The following SIK3 variants were observed in gnomAD, a reference collection of about 807,000 sequenced individuals.
SIK3 encodes SIK family kinase 3.
A neutral mutation model predicts 144.2 loss-of-function variants in SIK3; 28 were observed. That is an observed-to-expected ratio of 0.19 (90% CI 0.14 to 0.27). The LOEUF (loss-of-function observed/expected upper bound fraction) is 0.27, where lower values mean the gene tolerates loss of function less well. SIK3 is among the 10% of genes least tolerant of loss of function. The pLI is 1.00. For synonymous variants in SIK3, 686 were observed against 676.3 expected (o/e 1.01, Z -0.22); for missense variants, 1,319 against 1,776.0 (o/e 0.74, Z 4.62).
At chr11:116,862,074 C>T in intron 17 of SIK3, 128 bp downstream of exon 17, 1 of 1,414,392 alleles carries the variant, frequency 7.1e-7, no homozygotes, top group Non-Finnish European at 9.9e-7. Context: ...TACCTTTACT[C>T]AAACATGTCA....
At chr11:116,938,204 A>AGAGGG (rs367762787) in intron 3 of SIK3, among the ~76,000 whole-genome samples, 1 of 7,884 alleles carries the variant, frequency 1.3e-4, no homozygotes, top group African/African-American at 4.4e-4. Flanking sequence ...GACTCTATCT[A>AGAGGG]GAGGGGAGGG....
chr11:116,897,331 T>C lies in SIK3; in HGVS notation c.617-14A>G. On this transcript the variant is annotated splice_polypyrimidine_tract_variant and intron_variant, in intron 4 of 24. Transcript: ENST00000445177. ...TGAAACCAAAATCTAGAAAGGCAAA[T>C]GGACATAATTCGTATTATTGTAACC... is the stretch of plus-strand genomic sequence containing the variant. The C allele has an allele frequency of 6.2e-7, 1 of 1,611,484 alleles. No individual in the cohort carries two copies. Among genetic ancestry groups the C allele is most frequent in the Non-Finnish European group, 8.5e-7 (1 of 1,178,494 alleles).
chr11:116,951,795 A>G (rs927159564), intron 3 of SIK3, among the ~76,000 whole-genome samples: 6 of 152,126 alleles, frequency 3.9e-5, no homozygotes, highest in African/African-American at 9.6e-5. Context: ...TTAGCCTGGC[A>G]TGGTGGTGTA....
intron 1 of SIK3, among the ~76,000 whole-genome samples, chr11:117,089,463 A>C (rs1955154291): frequency 6.6e-6 from 1 of 152,066 alleles, no homozygotes; most frequent in East Asian, 1.9e-4. Context: ...GGTGGCAAGA[A>C]GACTTCATTT....
intron 3 of SIK3, among the ~76,000 whole-genome samples, chr11:116,953,516 T>C (rs972945816): frequency 6.6e-6 from 1 of 152,208 alleles, no homozygotes; most frequent in South Asian, 2.1e-4. Context: ...TAAAGCTAAG[T>C]GTGAGAGGAA....
chr11:117,004,926 T>C (rs1259725584), intron 1 of SIK3, among the ~76,000 whole-genome samples: 1 of 152,272 alleles, frequency 6.6e-6, no homozygotes, highest in East Asian at 1.9e-4. Flanking sequence ...ATGAAAGGCA[T>C]GTTAGATAAA....
chr11:117,033,492 G>C (rs1275466893), intron 1 of SIK3, among the ~76,000 whole-genome samples: 1 of 152,026 alleles, frequency 6.6e-6, no homozygotes, highest in African/African-American at 2.4e-5. Context: ...ACGAGGTCAA[G>C]AGATCAAGAC....
chr11:116,893,142 A>G (rs977077308), intron 6 of SIK3, among the ~76,000 whole-genome samples: 19 of 152,234 alleles, frequency 1.2e-4, no homozygotes, highest in African/African-American at 4.3e-4. Flanking sequence ...ACATGTCACT[A>G]TACATTTACC....
intron 3 of SIK3, among the ~76,000 whole-genome samples, chr11:116,934,941 C>T (rs750636609): frequency 3.3e-5 from 5 of 152,148 alleles, no homozygotes; most frequent in African/African-American, 4.8e-5. Flanking sequence ...AAAAATTAGC[C>T]GGGTGTGGTG....
At chr11:116,937,825 C>G (rs1038969394) in intron 3 of SIK3, among the ~76,000 whole-genome samples, 5 of 152,176 alleles carry the variant, frequency 3.3e-5, no homozygotes, top group Non-Finnish European at 4.4e-5. Flanking sequence ...GCTCTGTCCC[C>G]TCCTCTAAGC....
intron 6 of SIK3, among the ~76,000 whole-genome samples, chr11:116,895,483 T>C (rs181845392): frequency 3.1e-4 from 47 of 152,374 alleles, no homozygotes; most frequent in Non-Finnish European, 5.9e-4. Flanking sequence ...TTCACCTCTT[T>C]GTTCTAAAAT....
intron 14 of SIK3, 125 bp from the exon 15 acceptor site, chr11:116,868,214 G>T: frequency 1.6e-6 from 2 of 1,220,270 alleles, no homozygotes; most frequent in Admixed American, 2.0e-5. Flanking sequence ...AGGCTTGATG[G>T]CAAACAGATC....
intron 6 of SIK3, among the ~76,000 whole-genome samples, chr11:116,882,398 G>A (rs1944596222): frequency 6.6e-6 from 1 of 152,186 alleles, no homozygotes; most frequent in Non-Finnish European, 1.5e-5. Flanking sequence ...TCAAAGATAA[G>A]AGGAGATAGG....
In SIK3 at chr11:116,859,620, C is replaced by T; in HGVS notation, c.2426-16G>A. 1.2e-6 allele frequency: 2 copies of T among 1,607,168 alleles called. No homozygotes were observed. Among genetic ancestry groups the T allele is most frequent in the East Asian group, 2.2e-5 (1 of 44,798 alleles). ...GATGCAGCCCCTGGAGAGAAAGGAA[C>T]CTCAGAGTGACCAAGTGCCCAGGCC... On this transcript the variant is annotated splice_polypyrimidine_tract_variant and intron_variant, in intron 19 of 24. Transcript: ENST00000445177.
intron 6 of SIK3, among the ~76,000 whole-genome samples, chr11:116,886,523 G>A (rs542785257): frequency 1.2e-4 from 18 of 152,262 alleles, no homozygotes; most frequent in African/African-American, 3.6e-4. Flanking sequence ...TGGGTTTTGC[G>A]TTCCCAGTAA....
At chr11:117,011,466 A>G (rs1457333294) in intron 1 of SIK3, among the ~76,000 whole-genome samples, 1 of 152,230 alleles carries the variant, frequency 6.6e-6, no homozygotes, top group East Asian at 1.9e-4. Flanking sequence ...CCATTGTTAC[A>G]CATAACAGAG....
At chr11:116,927,183 T>C in intron 4 of SIK3, 36 bp downstream of exon 4, 1 of 1,559,168 alleles carries the variant, frequency 6.4e-7, no homozygotes, top group Non-Finnish European at 8.8e-7. Context: ...GAAAAGCTCC[T>C]TTGTCCCTAT....
chr11:117,086,439 C>A (rs1028044929), intron 1 of SIK3, among the ~76,000 whole-genome samples: 16 of 152,334 alleles, frequency 1.1e-4, no homozygotes, highest in Middle Eastern at 3.4e-3. Flanking sequence ...CGCCTATAAT[C>A]CCAGCACTCT....
At chr11:116,896,953 G>A (rs1045983736) in intron 5 of SIK3, among the ~76,000 whole-genome samples, 4 of 151,856 alleles carry the variant, frequency 2.6e-5, no homozygotes, top group African/African-American at 7.3e-5. Context: ...CTTGAACCTG[G>A]GAGGTGGAGG....
Sources: allele counts gnomAD v4.1 joint callset (sites outside exome capture counted in the v4.1 genomes callset), GRCh38; gene constraint gnomAD v4.1.1; transcripts MANE v1.5; gene names NCBI Gene and HGNC (gene_info 2026-07-23, HGNC 2026-07-21).